PCDH7: variants seen among roughly 807,000 people sequenced by gnomAD.
PCDH7 encodes the protein protocadherin-7.
Under a neutral mutation model 58.9 loss-of-function variants are expected in PCDH7, and 17 were observed. The observed-to-expected ratio is 0.29, with a 90% CI of 0.20 to 0.43. PCDH7 has a LOEUF of 0.43. PCDH7 is among the 20% of genes least tolerant of loss of function. The pLI, the probability that PCDH7 is intolerant of heterozygous loss-of-function variation, is 1.00. For missense variants in PCDH7, 1,274 were observed against 1,441.0 expected (o/e 0.88, Z 1.88); for synonymous variants, 664 against 616.4 (o/e 1.08, Z -1.14).
At chr4:30,994,555 A>T (rs1401273687) in intron 3 of PCDH7, among the ~76,000 whole-genome samples, 1 of 152,232 alleles carries the variant, frequency 6.6e-6, no homozygotes, top group Non-Finnish European at 1.5e-5. Flanking sequence ...TCAGCTTTCT[A>T]ATATGCCTTC....
intron 3 of PCDH7, among the ~76,000 whole-genome samples, chr4:31,114,842 C>G (rs568983481): frequency 6.6e-6 from 1 of 152,262 alleles, no homozygotes; most frequent in East Asian, 1.9e-4. Flanking sequence ...TCAAAGACTT[C>G]TCTTAAAGCA....
intron 3 of PCDH7, among the ~76,000 whole-genome samples, chr4:31,141,609 C>T (rs1029226113): frequency 4.6e-5 from 7 of 152,164 alleles, no homozygotes; most frequent in Non-Finnish European, 1.0e-4. Flanking sequence ...AATCTTGTTT[C>T]CTAAGAATTC....
intron 2 of PCDH7, among the ~76,000 whole-genome samples, chr4:30,948,603 C>A (rs1746999904): frequency 6.6e-6 from 1 of 152,002 alleles, no homozygotes; most frequent in Non-Finnish European, 1.5e-5. Context: ...TTTATAGAAT[C>A]CCAAGCAATG....
chr4:30,979,985 G>T (rs1401457444), intron 3 of PCDH7, among the ~76,000 whole-genome samples: 2 of 152,080 alleles, frequency 1.3e-5, no homozygotes, highest in Non-Finnish European at 2.9e-5. Flanking sequence ...CAATAAAAAG[G>T]AATTTTTGTC....
chr4:31,091,486 A>T (rs542577026), intron 3 of PCDH7, among the ~76,000 whole-genome samples: 1 of 151,992 alleles, frequency 6.6e-6, no homozygotes, highest in South Asian at 2.1e-4. Flanking sequence ...AAACAGATTA[A>T]TGTGGAAAAT....
chr4:31,079,154 T>C (rs947994316), intron 3 of PCDH7, among the ~76,000 whole-genome samples: 2 of 151,322 alleles, frequency 1.3e-5, no homozygotes, highest in African/African-American at 4.8e-5. Flanking sequence ...ATGTTTTCTT[T>C]TGCCAAACAA....
chr4:31,052,203 C>T (rs1444725366), intron 3 of PCDH7, among the ~76,000 whole-genome samples: 2 of 152,066 alleles, frequency 1.3e-5, no homozygotes, highest in African/African-American at 4.8e-5. Context: ...TGTTCCTTAT[C>T]GACTTTAGTT....
intron 1 of PCDH7, among the ~76,000 whole-genome samples, chr4:30,877,103 T>A (rs1167968469): frequency 2.0e-5 from 3 of 152,146 alleles, no homozygotes; most frequent in African/African-American, 7.2e-5. Context: ...AGTATTTTGT[T>A]AAAATATTAG....
intron 1 of PCDH7, among the ~76,000 whole-genome samples, chr4:30,795,087 G>A (rs528130148): frequency 3.3e-5 from 5 of 152,066 alleles, no homozygotes; most frequent in Admixed American, 6.6e-5. Context: ...TTAGAGCACC[G>A]ATATGGATCA....
intron 1 of PCDH7, among the ~76,000 whole-genome samples, chr4:30,900,512 T>C (rs141488107): frequency 7.6e-4 from 116 of 152,290 alleles, no homozygotes; most frequent in African/African-American, 2.6e-3. Context: ...GGGATTTTAA[T>C]TGGGCTAAGA....
At chr4:30,724,994 G>C in intron 1 of PCDH7, 4 of 1,016,562 alleles carry the variant, frequency 3.9e-6, no homozygotes, top group Non-Finnish European at 4.8e-6. Flanking sequence ...CAGAGAAAAA[G>C]TTTCTAAAGT....
chr4:30,773,599 C>G (rs897730804), intron 1 of PCDH7, among the ~76,000 whole-genome samples: 3 of 151,982 alleles, frequency 2.0e-5, no homozygotes, highest in African/African-American at 7.3e-5. Context: ...ATACAAGACT[C>G]TAGAAGTCAT....
intron 3 of PCDH7, among the ~76,000 whole-genome samples, chr4:31,071,370 T>C (rs573142005): frequency 6.6e-6 from 1 of 152,202 alleles, no homozygotes; most frequent in Non-Finnish European, 1.5e-5. Flanking sequence ...TGTATCCATA[T>C]GAAAGAAAAT....
chr4:30,834,734 T>A (rs1402996203), intron 1 of PCDH7, among the ~76,000 whole-genome samples: 2 of 152,118 alleles, frequency 1.3e-5, no homozygotes, highest in Non-Finnish European at 2.9e-5. Flanking sequence ...TTTTTCCCTT[T>A]GCATAGTCAT....
intron 1 of PCDH7, among the ~76,000 whole-genome samples, chr4:30,804,248 G>T (rs772009963): frequency 1.3e-5 from 2 of 152,110 alleles, no homozygotes; most frequent in African/African-American, 2.4e-5. Context: ...TGCATATTAA[G>T]ATTTCATGCA....
chr4:30,930,561 A>C (rs1744443312), intron 2 of PCDH7, among the ~76,000 whole-genome samples: 1 of 152,226 alleles, frequency 6.6e-6, no homozygotes, highest in Non-Finnish European at 1.5e-5. Context: ...TTATCCAAAC[A>C]GAATGTTGAA....
intron 3 of PCDH7, among the ~76,000 whole-genome samples, chr4:30,953,458 T>C (rs949717315): frequency 1.4e-4 from 22 of 152,028 alleles, no homozygotes; most frequent in Admixed American, 7.2e-4. Flanking sequence ...TCTCATTTGG[T>C]GAAAAATGGT....
intron 1 of PCDH7, among the ~76,000 whole-genome samples, chr4:30,749,887 G>A (rs998856866): frequency 6.6e-6 from 1 of 152,108 alleles, no homozygotes; most frequent in Admixed American, 6.6e-5. Flanking sequence ...TTAGGTGCAG[G>A]ATTATTAGGT....
intron 3 of PCDH7, among the ~76,000 whole-genome samples, chr4:31,037,305 A>G (rs548307176): frequency 1.9e-4 from 29 of 152,326 alleles, no homozygotes; most frequent in African/African-American, 6.0e-4. Context: ...AAAATTGTGA[A>G]TTAAATTAAA....
Sources: gnomAD v4.1 joint callset for allele counts (sites outside exome capture counted in the v4.1 genomes callset) on GRCh38, gnomAD v4.1.1 for gene constraint, MANE v1.5 for transcripts, NCBI Gene and HGNC (gene_info 2026-07-23, HGNC 2026-07-21) for gene names.